Variants in PTPRT observed in about 807,000 individuals in gnomAD.
PTPRT encodes protein tyrosine phosphatase receptor type T.
Under a neutral mutation model 176.8 loss-of-function variants are expected in PTPRT, and 56 were observed. The observed-to-expected ratio is 0.32, with a 90% CI of 0.26 to 0.40. The LOEUF (loss-of-function observed/expected upper bound fraction) is 0.40, where lower values mean the gene tolerates loss of function less well. Ranked by LOEUF, PTPRT falls within the 10% of genes least tolerant of loss-of-function variation. PTPRT has a pLI of 1.00. For synonymous variants in PTPRT, 783 were observed against 739.0 expected (o/e 1.06, Z -0.96); for missense variants, 1,540 against 1,908.2 (o/e 0.81, Z 3.60).
intron 22 of PTPRT, 121 bp downstream of exon 22, chr20:42,115,078 G>T: frequency 1.4e-6 from 1 of 712,192 alleles, no homozygotes; most frequent in East Asian, 2.6e-5. Flanking sequence ...TTGCTGATCT[G>T]TTGCTGGTGC....
chr20:42,186,796 G>A (rs1990800531), intron 16 of PTPRT, among the ~76,000 whole-genome samples: 2 of 152,090 alleles, frequency 1.3e-5, no homozygotes, highest in Non-Finnish European at 2.9e-5. Flanking sequence ...TCTTATTCAG[G>A]TAAGAGATGA....
intron 20 of PTPRT, among the ~76,000 whole-genome samples, chr20:42,119,013 GAAAAAAAAAAA>G (rs11415242): frequency 6.8e-4 from 20 of 29,224 alleles, no homozygotes; most frequent in Admixed American, 2.3e-3. Flanking sequence ...AGAAAGGAAG[GAAAAAAAAAAA>G]AAAAAAAAAA....
intron 2 of PTPRT, among the ~76,000 whole-genome samples, chr20:42,833,138 G>T (rs2078121195): frequency 6.6e-6 from 1 of 151,616 alleles, no homozygotes; most frequent in South Asian, 2.1e-4. Context: ...TGTTATCAAA[G>T]AAATGATTTA....
intron 2 of PTPRT, among the ~76,000 whole-genome samples, chr20:42,812,851 TTTG>T (rs1187597667): frequency 6.6e-6 from 1 of 152,100 alleles, no homozygotes; most frequent in Non-Finnish European, 1.5e-5. Flanking sequence ...GCCAAAATAA[TTTG>T]TTATTGTTGT....
intron 2 of PTPRT, among the ~76,000 whole-genome samples, chr20:42,851,727 G>A (rs936782128): frequency 7.2e-5 from 11 of 152,196 alleles, no homozygotes; most frequent in African/African-American, 2.7e-4. Context: ...GTTCTGCCAT[G>A]GTGGTGCAAC....
At chr20:42,409,732 T>A (rs1441825033) in intron 9 of PTPRT, among the ~76,000 whole-genome samples, 1 of 152,166 alleles carries the variant, frequency 6.6e-6, no homozygotes, top group Non-Finnish European at 1.5e-5. Flanking sequence ...AGGAAAGAGT[T>A]TGGCATGGCC....
chr20:43,054,143 C>T (rs947473868), intron 1 of PTPRT, among the ~76,000 whole-genome samples: 14 of 152,148 alleles, frequency 9.2e-5, no homozygotes, highest in Admixed American at 2.0e-4. Context: ...GAGTCTTGTT[C>T]ATTTTAGAAG....
intron 2 of PTPRT, among the ~76,000 whole-genome samples, chr20:42,875,250 C>T (rs2078911452): frequency 6.6e-6 from 1 of 152,184 alleles, no homozygotes; most frequent in South Asian, 2.1e-4. Context: ...TTTTCAAAGC[C>T]ATTGTTAGGA....
intron 1 of PTPRT, among the ~76,000 whole-genome samples, chr20:43,013,725 A>G (rs1985242379): frequency 6.6e-6 from 1 of 152,180 alleles, no homozygotes; most frequent in Non-Finnish European, 1.5e-5. Flanking sequence ...CACTCAGCAG[A>G]CATTTCTGAG....
At chr20:42,925,699 C>T (rs1600563100) in intron 1 of PTPRT, among the ~76,000 whole-genome samples, 2 of 152,258 alleles carry the variant, frequency 1.3e-5, no homozygotes, top group African/African-American at 4.8e-5. Flanking sequence ...GGCCCTGCCC[C>T]CTTGGGTTTC....
chr20:42,780,364 G>T, intron 3 of PTPRT, 65 bp from the exon 4 acceptor site: 1 of 1,291,920 alleles, frequency 7.7e-7, no homozygotes, highest in Non-Finnish European at 1.1e-6. Context: ...ACAAGAAGCT[G>T]CCCGGCCCCC....
intron 1 of PTPRT, among the ~76,000 whole-genome samples, chr20:42,903,145 T>G (rs1194128209): frequency 2.0e-5 from 3 of 152,238 alleles, no homozygotes; most frequent in African/African-American, 7.2e-5. Flanking sequence ...GGATCCTTAT[T>G]GAGCAGCTAA....
In PTPRT at chr20:42,454,574, T is replaced by C. The variant is rs557174647; in HGVS notation, c.1451-6245A>G. Among the ~76,000 whole-genome samples, 14 of 152,338 alleles carry C rather than the reference T, an allele frequency of 9.2e-5. 1 individual carries two copies. Among genetic ancestry groups the C allele is most frequent in the Admixed American group, 9.1e-4 (14 of 15,304 alleles). ...ATACTTCATTAAGGTTTTACATGCT[T>C]TTACCTATTTACTAGCATCTTTTAA... On this transcript the variant is annotated intron_variant, in intron 8 of 30. Coordinates refer to ENST00000373187, the MANE Select transcript of PTPRT (RefSeq NM_007050.6).
chr20:42,804,693 C>T (rs2077579444), intron 2 of PTPRT, among the ~76,000 whole-genome samples: 1 of 152,214 alleles, frequency 6.6e-6, no homozygotes, highest in African/African-American at 2.4e-5. Flanking sequence ...CTTTCTGAGG[C>T]CAGTGAGGGA....
At chr20:42,379,445 T>C (rs1311449992) in intron 9 of PTPRT, among the ~76,000 whole-genome samples, 3 of 152,190 alleles carry the variant, frequency 2.0e-5, no homozygotes. Context: ...ACCCTAATCA[T>C]CATCTCATGG....
At chr20:42,163,539 GACTT>G (rs1989700753) in intron 16 of PTPRT, among the ~76,000 whole-genome samples, 1 of 152,106 alleles carries the variant, frequency 6.6e-6, no homozygotes, top group Non-Finnish European at 1.5e-5. Context: ...TCATGAGTTC[GACTT>G]ACTGAGAACC....
At chr20:42,652,395 G>A (rs2075048841) in intron 7 of PTPRT, among the ~76,000 whole-genome samples, 1 of 152,168 alleles carries the variant, frequency 6.6e-6, no homozygotes, top group Admixed American at 6.5e-5. Flanking sequence ...AGAAGACACT[G>A]TGATCACTAC....
At chr20:42,652,989 G>T (rs2075059166) in intron 7 of PTPRT, among the ~76,000 whole-genome samples, 1 of 152,130 alleles carries the variant, frequency 6.6e-6, no homozygotes, top group Non-Finnish European at 1.5e-5. Flanking sequence ...CTCTGTACTG[G>T]GAACCCAGCA....
At chr20:42,381,585 G>C (rs989766) in intron 9 of PTPRT, among the ~76,000 whole-genome samples, 59,136 of 151,924 alleles carry the variant, frequency 0.39, 11,741 homozygotes, top group Admixed American at 0.45. Flanking sequence ...TGTTATTGAG[G>C]TGTAATCTAG....
Sources: gnomAD v4.1 joint callset for allele counts (sites outside exome capture counted in the v4.1 genomes callset) on GRCh38, gnomAD v4.1.1 for gene constraint, MANE v1.5 for transcripts, NCBI Gene and HGNC (gene_info 2026-07-23, HGNC 2026-07-21) for gene names.